ZNF718: variants seen among roughly 807,000 people sequenced by gnomAD.
ZNF718 encodes the protein zinc finger protein 718.
ZNF718 carries 3 observed loss-of-function variants against 2.6 expected under a neutral mutation model. That is an observed-to-expected ratio of 1.16 (90% CI 0.53 to 3.01). The LOEUF (loss-of-function observed/expected upper bound fraction) is 3.01, where lower values mean the gene tolerates loss of function less well. Among genes scored for constraint, ZNF718 ranks in the 30% most tolerant of loss-of-function variants. The pLI, the probability that ZNF718 is intolerant of heterozygous loss-of-function variation, is 0.03. For missense variants in ZNF718, 468 were observed against 230.0 expected, an observed-to-expected ratio of 2.03 and a Z score of -6.69; for synonymous variants, 135 against 77.9, an observed-to-expected ratio of 1.73 and a Z score of -3.86.
chr4:195,585 C>CT (rs201982470), intron 3 of ZNF718, among the ~76,000 whole-genome samples: 20,686 of 146,630 alleles, frequency 0.14, 1,720 homozygotes, highest in Admixed American at 0.25. Context: ...TACGTTTTTG[C>CT]TTTTTTTTTT....
intron 3 of ZNF718, among the ~76,000 whole-genome samples, chr4:176,603 T>G (rs1378330502): frequency 6.6e-6 from 1 of 152,144 alleles, no homozygotes; most frequent in Admixed American, 6.5e-5. Flanking sequence ...CCCCAATATT[T>G]TAACTCCTGA....
chr4:197,117 T>G (rs2108818505), intron 3 of ZNF718, among the ~76,000 whole-genome samples: 1 of 151,656 alleles, frequency 6.6e-6, no homozygotes, highest in East Asian at 2.0e-4. Flanking sequence ...AAAGAAACAT[T>G]TTTGTGTTTA....
At position 200,293 on chromosome 4, in the gene ZNF718, C is replaced by T. The variant is rs574820282; in HGVS notation, c.227-788C>T. Among the ~76,000 whole-genome samples the T allele has an allele frequency of 1.8e-4, 27 of 152,334 alleles. No individual in the cohort carries two copies. The South Asian group carries it at 5.2e-3, about 29-fold the overall frequency. ...TTTGTTTGTTTTTGAGACAGAGTCA[C>T]GCACTGTAGCCCAGGCTGGAGTACA... is the stretch of plus-strand genomic sequence containing the variant. On this transcript the variant is annotated intron_variant and NMD_transcript_variant, in intron 3 of 4. Transcript: ENST00000642529.
chr4:148,960 A>G (rs1236723252), intron 3 of ZNF718, among the ~76,000 whole-genome samples: 1 of 152,178 alleles, frequency 6.6e-6, no homozygotes, highest in African/African-American at 2.4e-5. Flanking sequence ...CCACTCAAGC[A>G]AGTGCATGCC....
At chr4:195,092 C>T (rs1391868283) in intron 3 of ZNF718, among the ~76,000 whole-genome samples, 3 of 152,138 alleles carry the variant, frequency 2.0e-5, no homozygotes, top group African/African-American at 7.2e-5. Context: ...GGGGTGAGTC[C>T]TAGAGCTGGG....
chr4:188,236 C>T (rs1457921558), intron 3 of ZNF718, among the ~76,000 whole-genome samples: 1 of 152,128 alleles, frequency 6.6e-6, no homozygotes, highest in Non-Finnish European at 1.5e-5. Context: ...ACTCATCCAG[C>T]GAGGATAATG....
chr4:202,116 T>C (rs1250180334), exon 5 of ZNF718: 1 of 152,206 alleles, frequency 6.6e-6, no homozygotes, highest in Admixed American at 6.5e-5. Flanking sequence ...TTCCCCAATA[T>C]TGTTCTCCTG....
intron 3 of ZNF718, chr4:142,018 C>G (rs781876853): frequency 1.9e-6 from 1 of 519,914 alleles, no homozygotes; most frequent in Non-Finnish European, 3.8e-6. Context: ...TTTAAATCTT[C>G]TGAGAACATA....
intron 3 of ZNF718, among the ~76,000 whole-genome samples, chr4:171,399 G>A (rs1338013782): frequency 6.6e-6 from 1 of 152,158 alleles, no homozygotes; most frequent in African/African-American, 2.4e-5. Context: ...AGTCTGCAGA[G>A]GATTCTGCTG....
In ZNF718 at chr4:124,660, G is replaced by T; in HGVS notation, c.-11G>T. 1 of 1,608,870 alleles carries T rather than the reference G, an allele frequency of 6.2e-7. No individual in the cohort carries two copies. The highest frequency in any genetic ancestry group is 8.5e-7 in the Non-Finnish European group (1 of 1,179,740). ...GTATCTAAGACTCTGGGACACTCCTGAAGTCGGGAAATGGTGAGTGTGCAG... is the reference window on the plus strand; with the variant it reads ...GTATCTAAGACTCTGGGACACTCCTTAAGTCGGGAAATGGTGAGTGTGCAG... On this transcript the variant is annotated 5_prime_UTR_variant, in exon 1 of 4. Transcript: ENST00000510175.
intron 3 of ZNF718, among the ~76,000 whole-genome samples, chr4:197,105 AAAAAG>A (rs149739022): frequency 0.23 from 34,709 of 150,954 alleles, 4,259 homozygotes; most frequent in Non-Finnish European, 0.29. Context: ...TACTTCAAGA[AAAAAG>A]AAACATTTTT....
intron 3 of ZNF718, among the ~76,000 whole-genome samples, chr4:199,555 T>C (rs1220252197): frequency 5.9e-5 from 9 of 152,226 alleles, no homozygotes; most frequent in Non-Finnish European, 1.2e-4. Flanking sequence ...TTCCTAAGAA[T>C]GGTATTCTAA....
chr4:160,075 A>C (rs192907495), intron 3 of ZNF718, among the ~76,000 whole-genome samples: 1 of 152,304 alleles, frequency 6.6e-6, no homozygotes, highest in East Asian at 1.9e-4. Context: ...CCCTGTTTTT[A>C]GCACTGCTGT....
At position 161,986 on chromosome 4, in the gene ZNF718, A is replaced by C; in HGVS notation, c.1301A>C (p.Gln434Pro). 2.6e-6 allele frequency: 2 copies of C among 780,014 alleles called. No homozygotes were observed. Among genetic ancestry groups the C allele is most frequent in the Non-Finnish European group, 2.4e-6 (1 of 417,534 alleles). The allele number at this position is 780,014 out of a possible 1,614,324, so 48.3% of individuals were successfully genotyped here. ...AAACAATGTGGCAAAGCCTTTAAAC[A>C]GTCCTCACACTTGAATAAACATAAG... ...ICKQCGKAFK[Q>P]SSHLNKHKKI... The change falls in exon 4 of 4, where the codon CAG (glutamine) becomes CCG (proline). Residue 434 changes from glutamine to proline, a missense_variant. Coordinates refer to ENST00000510175, the MANE Select transcript of ZNF718 (RefSeq NM_001039127.6).
intron 3 of ZNF718, among the ~76,000 whole-genome samples, chr4:158,768 T>C (rs1490012942): frequency 6.6e-6 from 1 of 152,000 alleles, no homozygotes; most frequent in African/African-American, 2.4e-5. Context: ...TGTGCTATCA[T>C]GATAATGATA....
At chr4:198,457 A>C (rs1553822348) in intron 3 of ZNF718, among the ~76,000 whole-genome samples, 1 of 152,062 alleles carries the variant, frequency 6.6e-6, no homozygotes, top group African/African-American at 2.4e-5. Flanking sequence ...TTCAGTGAAA[A>C]ATTGCACCCA....
At chr4:197,977 T>C (rs538417589) in intron 3 of ZNF718, among the ~76,000 whole-genome samples, 93 of 152,138 alleles carry the variant, frequency 6.1e-4, no homozygotes, top group African/African-American at 2.2e-3. Context: ...AAAATGAGAA[T>C]GAGGAGATGA....
chr4:192,446 G>C (rs1717710815), intron 3 of ZNF718, among the ~76,000 whole-genome samples: 1 of 152,124 alleles, frequency 6.6e-6, no homozygotes, highest in Non-Finnish European at 1.5e-5. Flanking sequence ...TGTGAGCTGA[G>C]TTACAAGCCC....
chr4:139,590 CTG>C (rs1213270864), intron 3 of ZNF718, among the ~76,000 whole-genome samples: 1 of 152,256 alleles, frequency 6.6e-6, no homozygotes, highest in Non-Finnish European at 1.5e-5. Flanking sequence ...TTTTCCCACA[CTG>C]TGGAGTGTAT....
Sources: allele counts gnomAD v4.1 joint callset (sites outside exome capture counted in the v4.1 genomes callset), GRCh38; gene constraint gnomAD v4.1.1; transcripts MANE v1.5; gene names NCBI Gene and HGNC (gene_info 2026-07-23, HGNC 2026-07-21).